Variants in SPINK2 observed in about 807,000 individuals in gnomAD.
SPINK2 encodes the protein serine protease inhibitor Kazal-type 2.
Under a neutral mutation model 13.5 loss-of-function variants are expected in SPINK2, and 8 were observed. That is an observed-to-expected ratio of 0.59 (90% CI 0.35 to 1.07). The LOEUF (loss-of-function observed/expected upper bound fraction) is 1.07, where lower values mean the gene tolerates loss of function less well. SPINK2 is among the 50% of genes least tolerant of loss of function. The pLI is 0.02. For synonymous variants in SPINK2, 76 were observed against 74.7 expected (o/e 1.02, Z -0.09); for missense variants, 148 against 180.3 (o/e 0.82, Z 1.03).
Position 56,821,655 on chromosome 4 carries a change from A to AGCGCCATCCTCCTCCC in SPINK2, c.-9_7dup (p.Leu3ArgfsTer23). 3 of 1,537,928 alleles carry AGCGCCATCCTCCTCCC rather than the reference A, an allele frequency of 2.0e-6. No individual in the cohort carries two copies. The highest frequency in any genetic ancestry group is 1.4e-5 in the African/African-American group (1 of 71,620). On this transcript the variant is annotated frameshift_variant, in exon 1 of 4. Coordinates refer to ENST00000506738, the MANE Select transcript of SPINK2 (RefSeq NM_001271718.2). LOFTEE classifies it high-confidence loss of function. ...CAGCAGCGCCAAGCGCAGCACCGACAGCGCCATCCTCCTCCCGCGCCGGCT... is the reference window on the plus strand; with the variant it reads ...CAGCAGCGCCAAGCGCAGCACCGACAGCGCCATCCTCCTCCCGCGCCATCCTCCTCCCGCGCCGGCT...
At chr4:56,816,877 CAAAAA>C (rs779847429) in intron 2 of SPINK2, among the ~76,000 whole-genome samples, 1 of 143,596 alleles carries the variant, frequency 7.0e-6, no homozygotes, top group East Asian at 2.0e-4. Context: ...GACACTGTCT[CAAAAA>C]AAAAAAATAA....
At chr4:56,818,553 C>T (rs754383492) in intron 2 of SPINK2, among the ~76,000 whole-genome samples, 17 of 151,870 alleles carry the variant, frequency 1.1e-4, no homozygotes, top group South Asian at 4.2e-4. Flanking sequence ...CTCAGCTACT[C>T]GGGAGGCTAA....
chr4:56,812,185 C>T lies in SPINK2; in HGVS notation c.250-391G>A, dbSNP rs191249584. On this transcript the variant is annotated intron_variant, in intron 2 of 3. Transcript: ENST00000506738. Reference sequence around the variant, plus strand: ...CTAGGATTACAGGCGTGAGCCACTGCGCCTGGCAAAAAAAAATTTTCTAAT... The same window carrying T: ...CTAGGATTACAGGCGTGAGCCACTGTGCCTGGCAAAAAAAAATTTTCTAAT... 5.3e-3 allele frequency among the ~76,000 whole-genome samples: 795 copies of T among 150,478 alleles called. 8 individuals carry two copies. The highest frequency in any genetic ancestry group is 0.014 in the African/African-American group (576 of 41,104).
In SPINK2 at chr4:56,820,517, G is replaced by C. The variant is rs775849010; in HGVS notation, c.249+19C>G. 2.5e-6 allele frequency: 4 copies of C among 1,599,592 alleles called. No individual in the cohort carries two copies. Among genetic ancestry groups the C allele is most frequent in the African/African-American group, 2.7e-5 (2 of 74,550 alleles). ...CTTCACTGTATTAGTAGAAACAGTAGAAGTGGTTTGCTACTTACCGTTCTA... is the reference window on the plus strand; with the variant it reads ...CTTCACTGTATTAGTAGAAACAGTACAAGTGGTTTGCTACTTACCGTTCTA... On this transcript the variant is annotated intron_variant, in intron 2 of 3. Transcript: ENST00000506738.
intron 2 of SPINK2, among the ~76,000 whole-genome samples, chr4:56,819,618 CTT>C (rs11329423): frequency 4.0e-4 from 31 of 78,370 alleles, no homozygotes; most frequent in East Asian, 8.1e-4. Flanking sequence ...TTTTTTCTTT[CTT>C]TTTTTTTTTT....
At chr4:56,819,439 A>G (rs1037649032) in intron 2 of SPINK2, among the ~76,000 whole-genome samples, 3 of 152,128 alleles carry the variant, frequency 2.0e-5, no homozygotes, top group Non-Finnish European at 2.9e-5. Context: ...TCTGACCCAC[A>G]ACCTGCAGCA....
At chr4:56,821,769 AG>A, upstream of SPINK2, 3 of 1,200,012 alleles carry the variant, frequency 2.5e-6, no homozygotes, top group Admixed American at 3.9e-5. Context: ...GGGCGGGGCG[AG>A]AATGGGAGGA....
At chr4:56,820,496 ACT>A in intron 2 of SPINK2, 38 bp downstream of exon 2, 1 of 1,557,552 alleles carries the variant, frequency 6.4e-7, no homozygotes, top group Non-Finnish European at 8.8e-7. Flanking sequence ...TTTGGGCTTC[ACT>A]GTATTAGTAG....
chr4:56,813,160 C>A (rs923949593), intron 2 of SPINK2, among the ~76,000 whole-genome samples: 15 of 151,912 alleles, frequency 9.9e-5, no homozygotes, highest in African/African-American at 3.6e-4. Flanking sequence ...CCATCTCTAG[C>A]AAAAATACAA....
At chr4:56,816,929 G>A (rs1033412545) in intron 2 of SPINK2, among the ~76,000 whole-genome samples, 6 of 151,814 alleles carry the variant, frequency 4.0e-5, no homozygotes, top group Non-Finnish European at 7.4e-5. Context: ...GAAAGACCAG[G>A]TGCGGTGGCT....
chr4:56,819,685 A>T (rs1276100496), intron 2 of SPINK2, among the ~76,000 whole-genome samples: 3 of 150,062 alleles, frequency 2.0e-5, no homozygotes, highest in Admixed American at 6.7e-5. Flanking sequence ...GCATGAACTC[A>T]GCTCACTGCA....
intron 3 of SPINK2, among the ~76,000 whole-genome samples, chr4:56,811,122 C>T (rs773897739): frequency 6.6e-6 from 1 of 152,180 alleles, no homozygotes; most frequent in Non-Finnish European, 1.5e-5. Context: ...GGAAATTTCA[C>T]ATTTGTGGGC....
intron 1 of SPINK2, 143 bp from the exon 2 acceptor site, chr4:56,820,722 A>C: frequency 1.6e-6 from 1 of 634,712 alleles, no homozygotes. Context: ...CTTCCTGCCT[A>C]GGCCTCCCAA....
chr4:56,811,301 C>T lies in SPINK2; in HGVS notation c.359+384G>A, dbSNP rs114846822. Among the ~76,000 whole-genome samples the T allele has an allele frequency of 6.7e-3, 1,015 of 152,190 alleles. 15 individuals carry two copies. Among genetic ancestry groups the T allele is most frequent in the African/African-American group, 0.022 (929 of 41,534 alleles). On this transcript the variant is annotated intron_variant, in intron 3 of 3. Coordinates refer to ENST00000506738, the MANE Select transcript of SPINK2 (RefSeq NM_001271718.2). Reference sequence around the variant, plus strand: ...TACATCCAAGAAAATTGTCACTACCCCCTAAGTAATCAAAATTCAACAAAA... The same window carrying T: ...TACATCCAAGAAAATTGTCACTACCTCCTAAGTAATCAAAATTCAACAAAA...
At chr4:56,815,714 AAAC>A (rs1221528594) in intron 2 of SPINK2, among the ~76,000 whole-genome samples, 1 of 151,866 alleles carries the variant, frequency 6.6e-6, no homozygotes, top group Admixed American at 6.6e-5. Context: ...ACAAACAAAC[AAAC>A]AACAAAGATG....
Position 56,812,127 on chromosome 4 carries a change from G to A in SPINK2, c.250-333C>T, listed in dbSNP as rs369158464. On this transcript the variant is annotated intron_variant, in intron 2 of 3. Transcript: ENST00000506738. ...ACCAAGCTGGTCTCGAACTTCTGACGTCATGATCCACCCGCCTTGGCCTCC... is the reference window on the plus strand; with the variant it reads ...ACCAAGCTGGTCTCGAACTTCTGACATCATGATCCACCCGCCTTGGCCTCC... 7.3e-5 allele frequency among the ~76,000 whole-genome samples: 11 copies of A among 150,780 alleles called. No homozygotes were observed. In the South Asian group the frequency reaches 2.3e-3, roughly 31 times the overall value.
At chr4:56,820,982 G>T (rs1259061161) in intron 1 of SPINK2, among the ~76,000 whole-genome samples, 1 of 152,200 alleles carries the variant, frequency 6.6e-6, no homozygotes, top group Non-Finnish European at 1.5e-5. Context: ...TGAAGCTATG[G>T]AATAAAAGTC....
rs150218740 is a variant in SPINK2, at chr4:56,814,459, G to A, written c.250-2665C>T. 2.5e-3 allele frequency among the ~76,000 whole-genome samples: 376 copies of A among 152,158 alleles called. 1 individual carries two copies. Among genetic ancestry groups the A allele is most frequent in the African/African-American group, 8.8e-3 (367 of 41,544 alleles). On this transcript the variant is annotated intron_variant, in intron 2 of 3. Coordinates refer to ENST00000506738, the MANE Select transcript of SPINK2 (RefSeq NM_001271718.2). ...CAAAGACAAAGAAAAGTTGGATCCT[G>A]CCTATAAGAAGCTTAGGGTCGAATA...
rs909200190 is a variant in SPINK2 at position 56,821,480 on chromosome 4, G to T, written c.183C>A (p.Gly61=). The T allele has an allele frequency of 6.5e-7, 1 of 1,531,602 alleles. No homozygotes were observed. The highest frequency in any genetic ancestry group is 8.7e-7 in the Non-Finnish European group (1 of 1,143,558). The allele number at this position is 1,531,602 out of a possible 1,614,324, so 94.9% of individuals were successfully genotyped here. ...CACCTGGCAGGTCCTCTGGGGAACC[G>T]CCAGTAACGGGCGCGCGGGTACCGT... The part of the protein sequence containing the change: ...LGDGTRAPVT[G]GSPEDLPASL... The change falls in exon 1 of 4, where the codon GGC becomes GGA. Residue 61 remains glycine, a synonymous_variant. Transcript: ENST00000506738.
Sources: gnomAD v4.1 joint callset for allele counts (sites outside exome capture counted in the v4.1 genomes callset) on GRCh38, gnomAD v4.1.1 for gene constraint, MANE v1.5 for transcripts, NCBI Gene and HGNC (gene_info 2026-07-23, HGNC 2026-07-21) for gene names.